Variants in XKR9 observed in about 807,000 individuals in gnomAD.
XKR9 encodes XK-related protein 9.
A neutral mutation model predicts 32.0 loss-of-function variants in XKR9; 32 were observed. That is an observed-to-expected ratio of 1.00 (90% CI 0.76 to 1.34). The LOEUF (loss-of-function observed/expected upper bound fraction) is 1.34, where lower values mean the gene tolerates loss of function less well. XKR9 is among the 40% of genes most tolerant of loss of function. XKR9 has a pLI of 0.00. For synonymous variants in XKR9, 168 were observed against 143.4 expected (o/e 1.17, Z -1.22); for missense variants, 546 against 429.7 (o/e 1.27, Z -2.39).
At chr8:70,905,671 G>T in the XKR9 span, among the ~76,000 whole-genome samples, 4 of 152,186 alleles carry the variant, frequency 2.6e-5, no homozygotes, top group African/African-American at 9.7e-5. Context: ...CTGCTGGCAA[G>T]GAGCTGCGTT....
At chr8:70,916,578 G>T in the XKR9 span, among the ~76,000 whole-genome samples, 2 of 152,080 alleles carry the variant, frequency 1.3e-5, no homozygotes, top group African/African-American at 2.4e-5. Flanking sequence ...ATATCTTATA[G>T]TATAAGTCCT....
intron 2 of XKR9, among the ~76,000 whole-genome samples, chr8:70,776,383 C>T (rs906821859): frequency 4.6e-5 from 7 of 151,852 alleles, no homozygotes; most frequent in African/African-American, 1.7e-4. Flanking sequence ...TTTTAAGTGT[C>T]TGTAGGATCT....
At chr8:70,731,205 T>A (rs6985675) in intron 4 of XKR9, among the ~76,000 whole-genome samples, 206 of 152,312 alleles carry the variant, frequency 1.4e-3, no homozygotes, top group African/African-American at 4.7e-3. Context: ...AAATCCTTTT[T>A]TCTATCAATC....
the XKR9 span, among the ~76,000 whole-genome samples, chr8:70,845,187 A>G: frequency 6.6e-6 from 1 of 152,246 alleles, no homozygotes; most frequent in South Asian, 2.1e-4. Flanking sequence ...CAGTGTTTAC[A>G]GCTGAAGAAA....
chr8:70,806,099 C>G, the XKR9 span, among the ~76,000 whole-genome samples: 1 of 152,162 alleles, frequency 6.6e-6, no homozygotes, highest in Admixed American at 6.5e-5. Flanking sequence ...AGTGACATCT[C>G]CAGGTGCGGG....
At chr8:70,685,905 A>G (rs1289034207) in intron 3 of XKR9, among the ~76,000 whole-genome samples, 1 of 150,902 alleles carries the variant, frequency 6.6e-6, no homozygotes, top group Non-Finnish European at 1.5e-5. Context: ...AAAAAATTAT[A>G]TTTAAATAAT....
At chr8:70,915,160 T>C in the XKR9 span, among the ~76,000 whole-genome samples, 2 of 152,068 alleles carry the variant, frequency 1.3e-5, no homozygotes, top group East Asian at 3.9e-4. Flanking sequence ...AGCAGGTCCA[T>C]TAGAATACAG....
At chr8:70,791,016 C>T (rs572088680), downstream of XKR9, among the ~76,000 whole-genome samples, 1 of 152,056 alleles carries the variant, frequency 6.6e-6, no homozygotes, top group East Asian at 1.9e-4. Context: ...GACCTAATTA[C>T]CTCCCAAAGA....
At chr8:70,848,992 A>G in the XKR9 span, among the ~76,000 whole-genome samples, 1 of 152,126 alleles carries the variant, frequency 6.6e-6, no homozygotes, top group African/African-American at 2.4e-5. Flanking sequence ...CTCCCACACA[A>G]TAATAATGGG....
At chr8:70,690,500 G>GTTT (rs71566233) in intron 3 of XKR9, among the ~76,000 whole-genome samples, 49 of 140,774 alleles carry the variant, frequency 3.5e-4, no homozygotes, top group Non-Finnish European at 5.4e-4. Context: ...TGCCCAGCTA[G>GTTT]TTTTTTTTTT....
the XKR9 span, among the ~76,000 whole-genome samples, chr8:70,854,803 G>T: frequency 6.6e-6 from 1 of 152,058 alleles, no homozygotes; most frequent in Non-Finnish European, 1.5e-5. Flanking sequence ...TCTTGTTTTT[G>T]TCAGGTTTGT....
At chr8:70,777,292 T>G (rs1235092790) in intron 2 of XKR9, among the ~76,000 whole-genome samples, 1 of 152,148 alleles carries the variant, frequency 6.6e-6, no homozygotes, top group Non-Finnish European at 1.5e-5. Flanking sequence ...GAACTCATCC[T>G]TTTTTATGGC....
At chr8:71,015,778 A>T in the XKR9 span, among the ~76,000 whole-genome samples, 4 of 45,572 alleles carry the variant, frequency 8.8e-5, no homozygotes, top group Middle Eastern at 0.015. Context: ...ATTAGCTGTT[A>T]AAAAAAAAAA....
chr8:71,025,716 C>G, the XKR9 span, among the ~76,000 whole-genome samples: 1 of 152,224 alleles, frequency 6.6e-6, no homozygotes, highest in Non-Finnish European at 1.5e-5. Context: ...AGCTTGAATT[C>G]TGAAATCACT....
the XKR9 span, among the ~76,000 whole-genome samples, chr8:70,931,471 G>A: frequency 6.6e-6 from 1 of 152,200 alleles, no homozygotes; most frequent in African/African-American, 2.4e-5. Flanking sequence ...GATAAAGTGA[G>A]TAGCTAGTAA....
chr8:70,717,035 T>G (rs1806116413), intron 4 of XKR9, among the ~76,000 whole-genome samples: 1 of 152,212 alleles, frequency 6.6e-6, no homozygotes, highest in Non-Finnish European at 1.5e-5. Flanking sequence ...TGAAATGATC[T>G]CCTTTGACTT....
At chr8:70,776,947 C>CTCTCTCTCTCTCTCTATATATATATA in intron 2 of XKR9, among the ~76,000 whole-genome samples, 64 of 54,180 alleles carry the variant, frequency 1.2e-3, no homozygotes, top group African/African-American at 3.9e-3. Context: ...CTCTCTCTCT[C>CTCTCTCTCTCTCTCTATATATATATA]TATATATATA....
chr8:70,766,125 T>A (rs1807372259), intron 2 of XKR9, among the ~76,000 whole-genome samples: 1 of 151,918 alleles, frequency 6.6e-6, no homozygotes, highest in Non-Finnish European at 1.5e-5. Flanking sequence ...AAAGTAGTTT[T>A]CTCTAATTCT....
At chr8:70,823,548 C>T in the XKR9 span, among the ~76,000 whole-genome samples, 21 of 152,266 alleles carry the variant, frequency 1.4e-4, no homozygotes, top group Admixed American at 9.2e-4. Flanking sequence ...TCTTTTTCTG[C>T]TTATCTCTGA....
Sources: gnomAD v4.1 joint callset for allele counts (sites outside exome capture counted in the v4.1 genomes callset) on GRCh38, gnomAD v4.1.1 for gene constraint, MANE v1.5 for transcripts, NCBI Gene and HGNC (gene_info 2026-07-23, HGNC 2026-07-21) for gene names.